Variants in NAALADL2 observed in about 807,000 individuals in gnomAD.
NAALADL2 encodes inactive N-acetylated-alpha-linked acidic dipeptidase-like protein 2.
NAALADL2 carries 76 observed loss-of-function variants against 87.2 expected under a neutral mutation model. The ratio of observed to expected loss-of-function variants is 0.87; its 90% CI spans 0.72 to 1.05. The LOEUF is 1.05. NAALADL2 is among the 50% of genes least tolerant of loss of function. NAALADL2 has a pLI of 0.00. For missense variants in NAALADL2, 1,089 were observed against 945.8 expected, an observed-to-expected ratio of 1.15 and a Z score of -1.99; for synonymous variants, 354 against 331.0, an observed-to-expected ratio of 1.07 and a Z score of -0.75.
intron 5 of NAALADL2, among the ~76,000 whole-genome samples, chr3:175,430,062 G>A (rs1218715359): frequency 1.3e-5 from 2 of 151,778 alleles, no homozygotes; most frequent in African/African-American, 4.8e-5. Context: ...AATAAGAACA[G>A]CTTTATGTAT....
intron 1 of NAALADL2, among the ~76,000 whole-genome samples, chr3:174,865,340 G>A (rs941425408): frequency 2.0e-5 from 3 of 151,922 alleles, no homozygotes; most frequent in African/African-American, 7.2e-5. Context: ...CAACTTTACC[G>A]TGTGACTTGA....
chr3:174,636,261 G>A (rs1722639972), intron 2 of NAALADL2, among the ~76,000 whole-genome samples: 1 of 152,092 alleles, frequency 6.6e-6, no homozygotes, highest in Non-Finnish European at 1.5e-5. Flanking sequence ...GGAAAATTCT[G>A]AAGGACATTG....
intron 1 of NAALADL2, among the ~76,000 whole-genome samples, chr3:174,511,199 T>C (rs532972231): frequency 6.6e-6 from 1 of 152,072 alleles, no homozygotes; most frequent in Non-Finnish European, 1.5e-5. Context: ...TTAATGGTAT[T>C]AAGTCTTCTG....
intron 3 of NAALADL2, among the ~76,000 whole-genome samples, chr3:174,853,521 A>G (rs550833405): frequency 1.6e-4 from 25 of 152,284 alleles, no homozygotes; most frequent in Admixed American, 5.9e-4. Context: ...AACCAAAGCA[A>G]AAGTAGACAA....
chr3:175,069,481 A>T (rs1490284230), intron 1 of NAALADL2, among the ~76,000 whole-genome samples: 1 of 149,880 alleles, frequency 6.7e-6, no homozygotes, highest in Admixed American at 6.6e-5. Context: ...CACACCAGTT[A>T]GAATGGCAAT....
chr3:175,648,445 CT>C (rs1730308686), intron 11 of NAALADL2, among the ~76,000 whole-genome samples: 1 of 150,704 alleles, frequency 6.6e-6, no homozygotes, highest in Non-Finnish European at 1.5e-5. Flanking sequence ...TATAGTACCC[CT>C]GTTGGCAATG....
At chr3:174,905,945 A>C (rs1732901284) in intron 1 of NAALADL2, among the ~76,000 whole-genome samples, 1 of 152,134 alleles carries the variant, frequency 6.6e-6, no homozygotes, top group African/African-American at 2.4e-5. Flanking sequence ...CACACAGGTA[A>C]TGTTAAGCAT....
At chr3:175,303,635 C>T (rs142716984) in intron 4 of NAALADL2, among the ~76,000 whole-genome samples, 182 of 152,224 alleles carry the variant, frequency 1.2e-3, no homozygotes, top group African/African-American at 4.0e-3. Flanking sequence ...CTTAAACTAC[C>T]GCACATAGCG....
In NAALADL2 at chr3:175,804,406, C is replaced by T. The variant is rs1576882379; in HGVS notation, c.*1203C>T. Reference sequence around the variant, plus strand: ...TTCTTCTCTCATGTGGAAAACTAAGCTTTTTATATTGACATTGCCATTGAA... The same window carrying T: ...TTCTTCTCTCATGTGGAAAACTAAGTTTTTTATATTGACATTGCCATTGAA... On this transcript the variant is annotated 3_prime_UTR_variant, in exon 14 of 14. Coordinates refer to ENST00000454872, the MANE Select transcript of NAALADL2 (RefSeq NM_207015.3). 1 of 151,750 alleles carries T rather than the reference C, an allele frequency of 6.6e-6. No homozygotes were observed. The highest frequency in any genetic ancestry group is 2.1e-4 in the South Asian group (1 of 4,824). The allele number at this position is 151,750 out of a possible 1,614,324, so 9.4% of individuals were successfully genotyped here. A position where few individuals can be genotyped will look rare whatever the true frequency, so the allele number is the denominator to read the frequency against.
At chr3:174,662,066 T>C (rs1725555723) in intron 2 of NAALADL2, among the ~76,000 whole-genome samples, 1 of 152,134 alleles carries the variant, frequency 6.6e-6, no homozygotes, top group Non-Finnish European at 1.5e-5. Flanking sequence ...AGTTTCAGCT[T>C]CCTCATCTCT....
intron 2 of NAALADL2, among the ~76,000 whole-genome samples, chr3:175,222,162 G>A (rs1010361337): frequency 2.0e-5 from 3 of 152,104 alleles, no homozygotes; most frequent in Non-Finnish European, 4.4e-5. Flanking sequence ...GTTGACCATT[G>A]CCAAAGAAGT....
chr3:174,983,187 T>C lies in NAALADL2; in HGVS notation c.44-113603T>C, dbSNP rs182403306. 2.1e-3 allele frequency among the ~76,000 whole-genome samples: 313 copies of C among 152,234 alleles called. 2 individuals carry two copies. The highest frequency in any genetic ancestry group is 7.3e-3 in the African/African-American group (304 of 41,534). Reference sequence around the variant, plus strand: ...GAAATTACAAAGTTTGGTCAGGAAGTAAAAGGAAAGAGGGGACAGTATGAC... The same window carrying C: ...GAAATTACAAAGTTTGGTCAGGAAGCAAAAGGAAAGAGGGGACAGTATGAC... On this transcript the variant is annotated intron_variant, in intron 1 of 13. Coordinates refer to ENST00000454872, the MANE Select transcript of NAALADL2 (RefSeq NM_207015.3).
intron 2 of NAALADL2, among the ~76,000 whole-genome samples, chr3:174,652,288 A>G (rs1198164494): frequency 6.6e-6 from 1 of 152,226 alleles, no homozygotes; most frequent in Non-Finnish European, 1.5e-5. Flanking sequence ...AGTGCTATAG[A>G]GGGATATCTT....
intron 1 of NAALADL2, among the ~76,000 whole-genome samples, chr3:174,895,089 A>T (rs555345165): frequency 5.9e-5 from 9 of 152,256 alleles, no homozygotes; most frequent in African/African-American, 2.2e-4. Context: ...GAAAAACTTT[A>T]AATAAACAAT....
intron 3 of NAALADL2, among the ~76,000 whole-genome samples, chr3:174,774,221 A>G (rs577984434): frequency 6.6e-6 from 1 of 152,196 alleles, no homozygotes; most frequent in East Asian, 1.9e-4. Flanking sequence ...TGTGGCATTC[A>G]TGTGGTCCAT....
At chr3:175,517,263 T>G (rs554542125) in intron 9 of NAALADL2, among the ~76,000 whole-genome samples, 3 of 152,284 alleles carry the variant, frequency 2.0e-5, no homozygotes, top group Non-Finnish European at 4.4e-5. Flanking sequence ...GCTTTTACAG[T>G]TTTGTAAAAG....
chr3:175,523,036 A>G (rs1732871708), intron 9 of NAALADL2, among the ~76,000 whole-genome samples: 1 of 152,216 alleles, frequency 6.6e-6, no homozygotes, highest in African/African-American at 2.4e-5. Flanking sequence ...AATTACATGT[A>G]CATTTTTGGT....
At chr3:174,797,070 C>T (rs530305435) in intron 3 of NAALADL2, among the ~76,000 whole-genome samples, 189 of 151,994 alleles carry the variant, frequency 1.2e-3, no homozygotes, top group South Asian at 8.9e-3. Context: ...GATTTTCTTC[C>T]AGTATTTTTA....
rs896197948 is a variant in NAALADL2 at position 175,244,168 on chromosome 3, T to C, written c.819+9964T>C. On this transcript the variant is annotated intron_variant, in intron 3 of 13. Coordinates refer to ENST00000454872, the MANE Select transcript of NAALADL2 (RefSeq NM_207015.3). Reference sequence around the variant, plus strand: ...ATGGTTGTTGATTATTTATTTTGTGTCTTATAATAGTTTTATTCCTAGTTT... The same window carrying C: ...ATGGTTGTTGATTATTTATTTTGTGCCTTATAATAGTTTTATTCCTAGTTT... 3.3e-5 allele frequency among the ~76,000 whole-genome samples: 5 copies of C among 152,158 alleles called. No individual in the cohort carries two copies. The East Asian group carries it at 9.6e-4, about 29-fold the overall frequency.
Sources: allele counts gnomAD v4.1 joint callset (sites outside exome capture counted in the v4.1 genomes callset), GRCh38; gene constraint gnomAD v4.1.1; transcripts MANE v1.5; gene names NCBI Gene and HGNC (gene_info 2026-07-23, HGNC 2026-07-21).